Variants in C5orf63 observed in about 807,000 individuals in gnomAD.
C5orf63 encodes chromosome 5 open reading frame 63, also known as glutaredoxin-like protein C5orf63.
In C5orf63, 18 loss-of-function variants were observed where a neutral mutation model predicts 13.3. That is an observed-to-expected ratio of 1.36 (90% CI 0.94 to 2.01). The LOEUF is 2.01. C5orf63 is among the 30% of genes most tolerant of loss of function. The probability of loss-of-function intolerance (pLI) is 0.00; values close to 1 mark genes in which losing one functional copy is unlikely to be tolerated. For missense variants in C5orf63, 118 were observed against 127.7 expected (o/e 0.92, Z 0.36); for synonymous variants, 38 against 44.7 (o/e 0.85, Z 0.60).
At chr5:127,051,970 C>T (rs1485791712) in intron 4 of C5orf63, 23 bp from the exon 5 acceptor site, 7 of 1,459,662 alleles carry the variant, frequency 4.8e-6, no homozygotes, top group Non-Finnish European at 9.0e-7. Context: ...CAGACTAAAG[C>T]TCTGTATTTT....
At position 127,052,687 on chromosome 5, in the gene C5orf63, A is replaced by C; in HGVS notation, c.115-18T>G. On this transcript the variant is annotated intron_variant, in intron 3 of 4. Transcript: ENST00000296662. The stretch of plus-strand genomic sequence containing the variant: ...CATGGGTCCTACAGGAAGAAAAAAA[A>C]CCCAAGCGATTAAACCCAAAGAATG... 6.8e-7 allele frequency: 1 copy of C among 1,475,790 alleles called. No individual in the cohort carries two copies. Among genetic ancestry groups the C allele is most frequent in the African/African-American group, 1.4e-5 (1 of 69,914 alleles). The allele number at this position is 1,475,790 out of a possible 1,614,324, so 91.4% of individuals were successfully genotyped here. A position where few individuals can be genotyped will look rare whatever the true frequency, so the allele number is the denominator to read the frequency against.
chr5:127,055,826 T>TTTTTG (rs1224502868), intron 3 of C5orf63, among the ~76,000 whole-genome samples: 2 of 152,186 alleles, frequency 1.3e-5, no homozygotes, highest in Non-Finnish European at 2.9e-5. Flanking sequence ...TAGATTGGGT[T>TTTTTG]TTCTGTTTTG....
chr5:127,071,500 GATTTTGTCCCTAGA>G (rs1008904523), intron 2 of C5orf63, 70 bp downstream of exon 2: 31 of 152,296 alleles, frequency 2.0e-4, no homozygotes, highest in African/African-American at 7.5e-4. Flanking sequence ...TTCCCCAAAT[GATTTTGTCCCTAGA>G]ATTTGTTATG....
chr5:127,063,707 T>C (rs534508386), intron 2 of C5orf63, among the ~76,000 whole-genome samples: 2 of 152,214 alleles, frequency 1.3e-5, no homozygotes, highest in East Asian at 1.9e-4. Context: ...GTAAATTTAA[T>C]GCTGAGCTGA....
intron 2 of C5orf63, among the ~76,000 whole-genome samples, chr5:127,070,344 C>G (rs1754490421): frequency 6.6e-6 from 1 of 152,094 alleles, no homozygotes; most frequent in Non-Finnish European, 1.5e-5. Flanking sequence ...TCCTTCCCTC[C>G]TGACTAAAAA....
downstream of C5orf63, among the ~76,000 whole-genome samples, chr5:127,048,262 C>A (rs1178895951): frequency 6.6e-6 from 1 of 150,994 alleles, no homozygotes; most frequent in African/African-American, 2.4e-5. Context: ...CACACACACA[C>A]ACACACACAC....
chr5:127,066,048 C>A (rs1424993315), intron 2 of C5orf63, among the ~76,000 whole-genome samples: 2 of 152,076 alleles, frequency 1.3e-5, no homozygotes, highest in Non-Finnish European at 2.9e-5. Context: ...TTAAGGTATT[C>A]TCTGAGCAGG....
At chr5:127,055,205 C>T (rs1179242098) in intron 3 of C5orf63, among the ~76,000 whole-genome samples, 3 of 152,106 alleles carry the variant, frequency 2.0e-5, no homozygotes, top group Non-Finnish European at 2.9e-5. Flanking sequence ...AGATTCAGTG[C>T]CATCCCCATC....
At chr5:127,062,781 A>G (rs1403480227) in intron 2 of C5orf63, among the ~76,000 whole-genome samples, 1 of 152,204 alleles carries the variant, frequency 6.6e-6, no homozygotes, top group African/African-American at 2.4e-5. Context: ...TCTCAGCACT[A>G]TAAAAAATAT....
At position 127,051,880 on chromosome 5, in the gene C5orf63, T is replaced by C. The variant is rs1473938041; in HGVS notation, c.239A>G (p.Asp80Gly). 2 of 1,535,740 alleles carry C rather than the reference T, an allele frequency of 1.3e-6. No individual in the cohort carries two copies. Among genetic ancestry groups the C allele is most frequent in the East Asian group, 4.9e-5 (2 of 40,880 alleles). The change falls in exon 5 of 5, where the codon GAT becomes GGT. Residue 80 changes from aspartate (D) to glycine (G), a missense_variant. Transcript: ENST00000296662. ...NSVWYERYKF[D>G]IPVFHLNGQF... is the part of the protein sequence containing the mutation. ...GCCATTCAAGTGAAAGACAGGAATA[T>C]CAAATTTATACCTTTCATACCAGAC...
chr5:127,052,218 G>T (rs750899352), intron 4 of C5orf63, among the ~76,000 whole-genome samples: 2 of 152,202 alleles, frequency 1.3e-5, no homozygotes, highest in Non-Finnish European at 2.9e-5. Context: ...ACATGTCCCA[G>T]TTGGGAAGCT....
At chr5:127,047,829 C>T (rs763314230), downstream of C5orf63, 6 of 703,670 alleles carry the variant, frequency 8.5e-6, no homozygotes, top group Admixed American at 4.0e-5. Context: ...ATCTTTTCCC[C>T]GACTGAGAAG....
intron 2 of C5orf63, among the ~76,000 whole-genome samples, chr5:127,066,727 G>T (rs188590363): frequency 5.3e-5 from 8 of 152,014 alleles, no homozygotes; most frequent in Admixed American, 4.6e-4. Flanking sequence ...ATCGGTTTAA[G>T]GATTATATTT....
At chr5:127,067,182 G>T (rs947907522) in intron 2 of C5orf63, among the ~76,000 whole-genome samples, 3 of 152,166 alleles carry the variant, frequency 2.0e-5, no homozygotes, top group African/African-American at 7.2e-5. Context: ...GAAGGCAAAA[G>T]TTGATTGGGT....
At chr5:127,057,479 G>A (rs1001889946) in intron 3 of C5orf63, among the ~76,000 whole-genome samples, 2 of 152,162 alleles carry the variant, frequency 1.3e-5, no homozygotes, top group Non-Finnish European at 2.9e-5. Flanking sequence ...GGGAGATAAA[G>A]CTGTTAAATA....
At chr5:127,059,847 T>C (rs961701194) in intron 2 of C5orf63, among the ~76,000 whole-genome samples, 2 of 150,932 alleles carry the variant, frequency 1.3e-5, no homozygotes, top group South Asian at 2.1e-4. Flanking sequence ...CTGTGAGACA[T>C]AAGAAAACAC....
At chr5:127,064,640 T>C (rs964724258) in intron 2 of C5orf63, among the ~76,000 whole-genome samples, 10 of 152,144 alleles carry the variant, frequency 6.6e-5, no homozygotes, top group African/African-American at 2.4e-4. Flanking sequence ...CAGATTTCAG[T>C]GTCAACAGGT....
At chr5:127,072,762 C>T (rs1293756942) in intron 1 of C5orf63, among the ~76,000 whole-genome samples, 1 of 152,132 alleles carries the variant, frequency 6.6e-6, no homozygotes, top group African/African-American at 2.4e-5. Flanking sequence ...AGTCACAAGC[C>T]TAACTCACAA....
intron 1 of C5orf63, chr5:127,073,152 G>A (rs1754619062): frequency 6.6e-6 from 1 of 151,108 alleles, no homozygotes; most frequent in Admixed American, 6.6e-5. Context: ...GGAGTATGAA[G>A]TTGAGATGTT....
Sources: gnomAD v4.1 joint callset for allele counts (sites outside exome capture counted in the v4.1 genomes callset) on GRCh38, gnomAD v4.1.1 for gene constraint, MANE v1.5 for transcripts, NCBI Gene and HGNC (gene_info 2026-07-23, HGNC 2026-07-21) for gene names.